The following CDH12 variants were observed in gnomAD, a reference collection of about 807,000 sequenced individuals.
CDH12 encodes cadherin-12.
A neutral mutation model predicts 74.1 loss-of-function variants in CDH12; 41 were observed. The observed-to-expected ratio is 0.55, with a 90% CI of 0.43 to 0.72. The LOEUF (loss-of-function observed/expected upper bound fraction) is 0.72, where lower values mean the gene tolerates loss of function less well. Ranked by LOEUF, CDH12 falls within the 30% of genes least tolerant of loss-of-function variation. The pLI, the probability that CDH12 is intolerant of heterozygous loss-of-function variation, is 0.00. For missense variants in CDH12, 945 were observed against 977.2 expected, an observed-to-expected ratio of 0.97 and a Z score of 0.44; for synonymous variants, 399 against 355.0, an observed-to-expected ratio of 1.12 and a Z score of -1.39.
intron 1 of CDH12, among the ~76,000 whole-genome samples, chr5:22,762,633 C>T (rs760047201): frequency 1.4e-5 from 2 of 140,486 alleles, no homozygotes; most frequent in South Asian, 2.7e-4. Context: ...GAACTAAGAT[C>T]GTTGGGTCAA....
chr5:22,357,694 G>T (rs1740623257), intron 3 of CDH12, among the ~76,000 whole-genome samples: 2 of 152,124 alleles, frequency 1.3e-5, no homozygotes, highest in African/African-American at 2.4e-5. Flanking sequence ...ATATGCTTAA[G>T]TTTATTATTA....
intron 3 of CDH12, among the ~76,000 whole-genome samples, chr5:22,365,902 A>T (rs1434261445): frequency 6.6e-6 from 1 of 152,144 alleles, no homozygotes; most frequent in Non-Finnish European, 1.5e-5. Flanking sequence ...AGAAATATCC[A>T]GTGAATATTT....
chr5:22,733,531 A>C (rs1415654842), intron 1 of CDH12, among the ~76,000 whole-genome samples: 3 of 150,864 alleles, frequency 2.0e-5, no homozygotes, highest in Admixed American at 1.3e-4. Flanking sequence ...ATCTATGAAC[A>C]CTGTGTTGGT....
At position 22,214,398 on chromosome 5, in the gene CDH12, A is replaced by G. The variant is rs561772094; in HGVS notation, c.-332-1755T>C. ...ACCCATTATCCAATTTTAGATTGGC[A>G]TGAGAGTGTTATAGTAGAAAAGAGG... On this transcript the variant is annotated intron_variant, in intron 3 of 14. Coordinates refer to ENST00000382254, the MANE Select transcript of CDH12 (RefSeq NM_004061.5). Among the ~76,000 whole-genome samples, 6 of 152,340 alleles carry G rather than the reference A, an allele frequency of 3.9e-5. No homozygotes were observed. The South Asian group carries it at 1.0e-3, about 26-fold the overall frequency.
intron 7 of CDH12, among the ~76,000 whole-genome samples, chr5:21,844,999 G>A (rs866087655): frequency 6.7e-6 from 1 of 149,600 alleles, no homozygotes; most frequent in Non-Finnish European, 1.5e-5. Context: ...ACTGAGGTAG[G>A]TAGATAGATA....
intron 1 of CDH12, among the ~76,000 whole-genome samples, chr5:22,576,461 G>T (rs147341991): frequency 1.3e-5 from 2 of 152,324 alleles, no homozygotes; most frequent in African/African-American, 4.8e-5. Context: ...CATAAATTGA[G>T]ATGAATAAGA....
intron 4 of CDH12, among the ~76,000 whole-genome samples, chr5:22,138,856 A>AT (rs956364579): frequency 4.7e-4 from 60 of 128,928 alleles, no homozygotes; most frequent in Middle Eastern, 4.1e-3. Flanking sequence ...ATATATATAT[A>AT]TATATATATA....
intron 1 of CDH12, among the ~76,000 whole-genome samples, chr5:22,565,599 G>A (rs909281343): frequency 2.0e-5 from 3 of 152,116 alleles, no homozygotes; most frequent in African/African-American, 7.2e-5. Flanking sequence ...GGAAAAGAAA[G>A]AGAAGTAAGA....
chr5:22,283,251 T>TATATATAC (rs1282673054), intron 3 of CDH12, among the ~76,000 whole-genome samples: 8 of 102,056 alleles, frequency 7.8e-5, no homozygotes, highest in African/African-American at 2.9e-4. Flanking sequence ...TATATATATA[T>TATATATAC]ACACACACAC....
chr5:22,487,065 T>G (rs1391932432), intron 2 of CDH12, among the ~76,000 whole-genome samples: 1 of 150,574 alleles, frequency 6.6e-6, no homozygotes, highest in South Asian at 2.1e-4. Flanking sequence ...GTGTGTGGCA[T>G]GATCTCAGCT....
At chr5:22,329,815 C>A (rs752076979) in intron 3 of CDH12, among the ~76,000 whole-genome samples, 11 of 152,222 alleles carry the variant, frequency 7.2e-5, no homozygotes, top group South Asian at 2.1e-4. Flanking sequence ...CCAGCCCTAG[C>A]CAGAGAGGAT....
At chr5:22,706,467 T>C (rs535051006) in intron 1 of CDH12, among the ~76,000 whole-genome samples, 1 of 152,136 alleles carries the variant, frequency 6.6e-6, no homozygotes, top group East Asian at 1.9e-4. Context: ...ATAATATGAA[T>C]GTTTTGGTAT....
chr5:22,681,214 C>T (rs1446213675), intron 1 of CDH12, among the ~76,000 whole-genome samples: 4 of 143,670 alleles, frequency 2.8e-5, no homozygotes, highest in Non-Finnish European at 4.5e-5. Context: ...TCATTAAGCT[C>T]CTGGGTATTG....
At chr5:22,085,094 G>T (rs1181869363) in intron 4 of CDH12, among the ~76,000 whole-genome samples, 1 of 152,072 alleles carries the variant, frequency 6.6e-6, no homozygotes, top group African/African-American at 2.4e-5. Context: ...CTCATCTTTT[G>T]TAGAGCCAGA....
intron 1 of CDH12, among the ~76,000 whole-genome samples, chr5:22,836,217 C>CTCTTTTTTT (rs1329156670): frequency 1.5e-4 from 3 of 20,472 alleles, no homozygotes; most frequent in Non-Finnish European, 2.8e-4. Flanking sequence ...TTTTTTCTTT[C>CTCTTTTTTT]TTTCTCTTTT....
intron 3 of CDH12, among the ~76,000 whole-genome samples, chr5:22,369,417 C>G (rs1384623409): frequency 6.6e-6 from 1 of 151,668 alleles, no homozygotes; most frequent in African/African-American, 2.4e-5. Flanking sequence ...CATTTTTTTC[C>G]TAGAAAACAG....
intron 2 of CDH12, among the ~76,000 whole-genome samples, chr5:22,498,242 A>AT (rs959397699): frequency 3.3e-5 from 5 of 152,130 alleles, no homozygotes; most frequent in Non-Finnish European, 5.9e-5. Context: ...AATTTTCTGC[A>AT]TAGCATTTAT....
intron 6 of CDH12, among the ~76,000 whole-genome samples, chr5:21,880,677 TTCTTTCTTTCTTTCTC>T (rs1426293042): frequency 3.0e-5 from 4 of 132,210 alleles, no homozygotes; most frequent in African/African-American, 8.1e-5. Context: ...CTTTCTTTCT[TTCTTTCTTTCTTTCTC>T]TTTTCTCCTT....
chr5:22,020,957 A>G (rs906091094), intron 5 of CDH12, among the ~76,000 whole-genome samples: 1 of 152,162 alleles, frequency 6.6e-6, no homozygotes, highest in African/African-American at 2.4e-5. Flanking sequence ...TGTTTTTATT[A>G]CTATTTTAAC....
Sources: allele counts gnomAD v4.1 joint callset (sites outside exome capture counted in the v4.1 genomes callset), GRCh38; gene constraint gnomAD v4.1.1; transcripts MANE v1.5; gene names NCBI Gene and HGNC (gene_info 2026-07-23, HGNC 2026-07-21).